The following COL10A1 variants were observed in gnomAD, a reference collection of about 807,000 sequenced individuals.
COL10A1 encodes the protein collagen alpha-1(X) chain.
COL10A1 carries 10 observed loss-of-function variants against 18.2 expected under a neutral mutation model. The ratio of observed to expected loss-of-function variants is 0.55; its 90% CI spans 0.34 to 0.93. The LOEUF is 0.93. Among genes scored for constraint, COL10A1 ranks in the 40% least tolerant of loss-of-function variants. The pLI, the probability that COL10A1 is intolerant of heterozygous loss-of-function variation, is 0.02. For missense variants in COL10A1, 897 were observed against 853.5 expected (o/e 1.05, Z -0.64); for synonymous variants, 330 against 316.6 (o/e 1.04, Z -0.45).
At chr6:116,131,223 A>G (rs34994420) in intron 1 of COL10A1, among the ~76,000 whole-genome samples, 2,849 of 152,276 alleles carry the variant, frequency 0.019, 47 homozygotes, top group Non-Finnish European at 0.029. Context: ...CCAAGAGCCA[A>G]TATAAGCCAG....
At position 116,120,287 on chromosome 6, in the gene COL10A1, A is replaced by G. The variant is rs1562122435; in HGVS notation, c.1829T>C (p.Val610Ala). The G allele has an allele frequency of 6.2e-7, 1 of 1,614,230 alleles. No homozygotes were observed. The highest frequency in any genetic ancestry group is 8.5e-7 in the Non-Finnish European group (1 of 1,180,042). The change falls in exon 3 of 3, where the codon GTT (valine) becomes GCT (alanine). Residue 610 changes from valine to alanine, a missense_variant. Val to Ala is a moderately conservative substitution (Grantham distance 64). Transcript: ENST00000651968. ...SYHVHVKGTH[V>A]WVGLYKNGTP... The stretch of plus-strand genomic sequence containing the variant: ...GCCATTCTTATACAGGCCTACCCAA[A>G]CATGAGTCCCTTTCACATGCACGTG...
At chr6:116,209,237 A>C in the COL10A1 span, among the ~76,000 whole-genome samples, 1 of 151,998 alleles carries the variant, frequency 6.6e-6, no homozygotes, top group Admixed American at 6.6e-5. Context: ...AAGAGACAAA[A>C]TCAAGGCTAT....
chr6:116,150,433 C>T (rs533413651), intron 1 of COL10A1, among the ~76,000 whole-genome samples: 4 of 152,064 alleles, frequency 2.6e-5, no homozygotes, highest in South Asian at 2.1e-4. Flanking sequence ...TACAGGTGCC[C>T]GCCACCACAC....
chr6:116,179,467 T>C, the COL10A1 span, among the ~76,000 whole-genome samples: 1 of 151,986 alleles, frequency 6.6e-6, no homozygotes, highest in African/African-American at 2.4e-5. Flanking sequence ...TATCAAAAAG[T>C]AGGCTAAGAA....
At chr6:116,144,486 C>T (rs560612839) in intron 1 of COL10A1, among the ~76,000 whole-genome samples, 3 of 149,994 alleles carry the variant, frequency 2.0e-5, no homozygotes, top group East Asian at 3.9e-4. Flanking sequence ...GATGACAGAG[C>T]GAGACTCCGT....
chr6:116,131,295 G>A (rs1779457037), intron 1 of COL10A1, among the ~76,000 whole-genome samples: 1 of 151,960 alleles, frequency 6.6e-6, no homozygotes, highest in East Asian at 1.9e-4. Context: ...TTCAGAGAAG[G>A]GTAGCCTCTG....
chr6:116,196,773 C>T, the COL10A1 span, among the ~76,000 whole-genome samples: 1 of 151,868 alleles, frequency 6.6e-6, no homozygotes, highest in Non-Finnish European at 1.5e-5. Flanking sequence ...ACTCTCTCCA[C>T]CTTTTCCTCT....
chr6:116,198,598 G>A, the COL10A1 span, among the ~76,000 whole-genome samples: 2 of 151,858 alleles, frequency 1.3e-5, no homozygotes, highest in Non-Finnish European at 2.9e-5. Flanking sequence ...AGATCTGGTG[G>A]TGTGCACCTG....
rs1157273124 is a variant in COL10A1 at position 116,121,386 on chromosome 6, C to A, written c.730G>T (p.Gly244Ter). The change falls in exon 3 of 3, where the codon GGA becomes TGA. Residue 244 changes from glycine (G) to a stop codon, truncating the protein, a stop_gained. Coordinates refer to ENST00000651968, the MANE Select transcript of COL10A1 (RefSeq NM_000493.4). LOFTEE classifies it low-confidence loss of function (END_TRUNC). ...KGDRGFPGEM[G>*]PIGPPGPQGP... ...TGGGGACCTGGTGGGCCAATTGGTC[C>A]CATTTCTCCCGGAAAACCTCTATCA... 1 of 1,613,996 alleles carries A rather than the reference C, an allele frequency of 6.2e-7. No individual in the cohort carries two copies. The highest frequency in any genetic ancestry group is 8.5e-7 in the Non-Finnish European group (1 of 1,180,000).
At chr6:116,188,542 A>T in the COL10A1 span, among the ~76,000 whole-genome samples, 517 of 152,136 alleles carry the variant, frequency 3.4e-3, 15 homozygotes, top group South Asian at 0.046. Flanking sequence ...TACAGGATAT[A>T]CATATTCTAT....
the COL10A1 span, among the ~76,000 whole-genome samples, chr6:116,174,789 G>C: frequency 2.6e-5 from 4 of 152,070 alleles, no homozygotes; most frequent in African/African-American, 9.7e-5. Context: ...TCTACCACTT[G>C]CTTTGCAATC....
chr6:116,184,353 TA>T, the COL10A1 span, among the ~76,000 whole-genome samples: 1 of 152,072 alleles, frequency 6.6e-6, no homozygotes, highest in African/African-American at 2.4e-5. Context: ...TACTAGCCTG[TA>T]GTTTTCTTTA....
At chr6:116,149,806 A>G (rs1779990940) in intron 1 of COL10A1, among the ~76,000 whole-genome samples, 1 of 152,336 alleles carries the variant, frequency 6.6e-6, no homozygotes, top group African/African-American at 2.4e-5. Context: ...TCAAATAGAA[A>G]TCTTTTTAAT....
chr6:116,187,229 T>G, the COL10A1 span, among the ~76,000 whole-genome samples: 1 of 152,070 alleles, frequency 6.6e-6, no homozygotes, highest in Non-Finnish European at 1.5e-5. Context: ...TCAGGTCTCT[T>G]AGCTGTGGCT....
intron 1 of COL10A1, among the ~76,000 whole-genome samples, chr6:116,139,755 GTT>G (rs930571833): frequency 7.2e-5 from 11 of 152,066 alleles, no homozygotes; most frequent in African/African-American, 2.7e-4. Flanking sequence ...GAATTTGACA[GTT>G]TTTTGCTTAA....
the COL10A1 span, among the ~76,000 whole-genome samples, chr6:116,208,764 T>C: frequency 2.0e-4 from 31 of 151,988 alleles, no homozygotes; most frequent in African/African-American, 7.2e-4. Flanking sequence ...AAACATCTTA[T>C]TCAGAGACTA....
the COL10A1 span, among the ~76,000 whole-genome samples, chr6:116,197,718 G>C: frequency 6.6e-6 from 1 of 152,022 alleles, no homozygotes; most frequent in South Asian, 2.1e-4. Flanking sequence ...CTTGATAATG[G>C]TATTTATCTC....
chr6:116,145,460 G>A, intron 1 of COL10A1: 1 of 386,724 alleles, frequency 2.6e-6, no homozygotes. Flanking sequence ...CCACATCCTT[G>A]CTTCAGGATA....
intron 1 of COL10A1, among the ~76,000 whole-genome samples, chr6:116,147,806 T>C (rs1197097236): frequency 2.0e-5 from 3 of 152,158 alleles, no homozygotes; most frequent in Non-Finnish European, 4.4e-5. Flanking sequence ...TATACCATTG[T>C]TTGTAATAGC....
Sources: allele counts gnomAD v4.1 joint callset (sites outside exome capture counted in the v4.1 genomes callset), GRCh38; gene constraint gnomAD v4.1.1; transcripts MANE v1.5; gene names NCBI Gene and HGNC (gene_info 2026-07-23, HGNC 2026-07-21).